The following INF2 variants were observed in gnomAD, a reference collection of about 807,000 sequenced individuals.
INF2 encodes inverted formin-2.
In INF2, 43 loss-of-function variants were observed where a neutral mutation model predicts 123.5. The ratio of observed to expected loss-of-function variants is 0.35; its 90% confidence interval spans 0.27 to 0.45. INF2 has a LOEUF of 0.45. Among genes scored for constraint, INF2 ranks in the 20% least tolerant of loss-of-function variants. INF2 has a pLI of 1.00. For synonymous variants in INF2, 851 were observed against 745.0 expected, an observed-to-expected ratio of 1.14 and a Z score of -2.32; for missense variants, 1,453 against 1,682.7, an observed-to-expected ratio of 0.86 and a Z score of 2.39.
chr14:104,698,664 C>T (rs995072656), intron 1 of INF2, among the ~76,000 whole-genome samples: 6 of 152,144 alleles, frequency 3.9e-5, no homozygotes, highest in Non-Finnish European at 8.8e-5. Context: ...ATGGTCTGGC[C>T]GTGGTGTGTT....
upstream of INF2, chr14:104,689,593 C>G: frequency 6.6e-6 from 4 of 610,048 alleles, no homozygotes; most frequent in Non-Finnish European, 8.2e-6. Flanking sequence ...CTCTTCCTCC[C>G]GCCCGCCCCG....
Position 104,708,534 on chromosome 14 carries a change from A to C in INF2, c.1834A>C (p.Lys612Gln). Residue 612 changes from lysine (K) to glutamine (Q), a missense_variant, in exon 9 of 23, where the codon AAG (lysine) becomes CAG (glutamine). This residue lies in a region of INF2 where 192 missense variants were observed against 274.4 expected (regional missense o/e 0.70). Coordinates refer to ENST00000392634, the MANE Select transcript of INF2 (RefSeq NM_022489.4). ...IERLFSFPAA[K>Q]PKEPTMVAPR... ...GCGACTATTCTCCTTCCCTGCAGCC[A>C]AGCCCAAGGAGCCCACCATGGTGGC... 6.2e-7 allele frequency: 1 copy of C among 1,612,188 alleles called. No individual in the cohort carries two copies. The highest frequency in any genetic ancestry group is 8.5e-7 in the Non-Finnish European group (1 of 1,179,732).
rs1889380036 is a variant in INF2 at position 104,699,695 on chromosome 14, T to C, written c.-9-1662T>C. 1 of 639,850 alleles carries C rather than the reference T, an allele frequency of 1.6e-6. No individual in the cohort carries two copies. The highest frequency in any genetic ancestry group is 2.0e-5 in the African/African-American group (1 of 50,242). 39.6% of individuals were successfully genotyped at this position (639,850 alleles called of 1,614,324 possible). A position where few individuals can be genotyped will look rare whatever the true frequency, so the allele number is the denominator to read the frequency against. ...GGGCTCCGGGCTCTCCGTTCTACAG[T>C]GCCCAGACCAGGACCCCCTGCAGGG... is the stretch of plus-strand genomic sequence containing the variant. On this transcript the variant is annotated intron_variant, in intron 1 of 22. Transcript: ENST00000392634. This position sits in a 1 kb window ranked among gnomAD's most constrained non-coding sequence, Gnocchi z 4.7.
In INF2 at chr14:104,703,172, C is replaced by T. The variant is rs754706068; in HGVS notation, c.459C>T (p.Tyr153=). 6.2e-7 allele frequency: 1 copy of T among 1,613,584 alleles called. No individual in the cohort carries two copies. The highest frequency in any genetic ancestry group is 1.1e-5 in the South Asian group (1 of 91,092). Residue 153 remains tyrosine (Y), a synonymous_variant, in exon 3 of 23, where the codon TAC becomes TAT. Transcript: ENST00000392634. ...AGCTACTGGCTGCCCTGTGCATCTA[C>T]TCTCCCGAGGGCCACGTGCTGACCC... ...VFELLAALCI[Y]SPEGHVLTLD... is the part of the protein sequence containing the mutation.
chr14:104,683,997 C>T, intron 1 of INF2: 1 of 454,938 alleles, frequency 2.2e-6, no homozygotes, highest in Non-Finnish European at 4.4e-6. Context: ...CCATCTGGTG[C>T]TCCCTCCAGC....
chr14:104,686,324 G>A (rs1187079425), upstream of INF2, among the ~76,000 whole-genome samples: 1 of 151,266 alleles, frequency 6.6e-6, no homozygotes, highest in African/African-American at 2.4e-5. Context: ...TGGATGGGTG[G>A]ATGAGTGGAT....
chr14:104,693,538 CG>C (rs1468717141), intron 1 of INF2, among the ~76,000 whole-genome samples: 1 of 152,156 alleles, frequency 6.6e-6, no homozygotes, highest in Non-Finnish European at 1.5e-5. Flanking sequence ...ACACCAGCCC[CG>C]GGTAGTGGCT....
intron 1 of INF2, chr14:104,683,926 G>C (rs1010626894): frequency 5.7e-5 from 23 of 406,426 alleles, no homozygotes; most frequent in African/African-American, 4.7e-4. Flanking sequence ...GCAGACTATG[G>C]GTTGGGGTGC....
chr14:104,719,107 G>A lies in INF2; in HGVS notation c.*314G>A, dbSNP rs921070326. On this transcript the variant is annotated 3_prime_UTR_variant, in exon 23 of 23. Coordinates refer to ENST00000392634, the MANE Select transcript of INF2 (RefSeq NM_022489.4). ...GGTGCAGCCTGCCAAGGGCCAGTCG[G>A]GGGGTGCTGCGTCCTGCCAGTGTCC... is the stretch of plus-strand genomic sequence containing the variant. 30 of 489,602 alleles carry A rather than the reference G, an allele frequency of 6.1e-5. No individual in the cohort carries two copies. The East Asian group carries it at 1.0e-3, about 16-fold the overall frequency. 30.3% of individuals were successfully genotyped at this position (489,602 alleles called of 1,614,324 possible). A position where few individuals can be genotyped will look rare whatever the true frequency, so the allele number is the denominator to read the frequency against.
chr14:104,714,745 G>C lies in INF2; in HGVS notation c.3583G>C (p.Glu1195Gln), dbSNP rs1064796974. 4 of 1,601,346 alleles carry C rather than the reference G, an allele frequency of 2.5e-6. No individual in the cohort carries two copies. Among genetic ancestry groups the C allele is most frequent in the Non-Finnish European group, 2.6e-6 (3 of 1,173,674 alleles). Residue 1195 changes from glutamate to glutamine, a missense_variant, in exon 21 of 23, where the codon GAG (glutamate) becomes CAG (glutamine). Glu to Gln is a conservative substitution (Grantham distance 29, BLOSUM62 2). Coordinates refer to ENST00000392634, the MANE Select transcript of INF2 (RefSeq NM_022489.4). ...LDTSLDKSFSEDAVTDSSGSG... is the reference protein window; with the variant it reads ...LDTSLDKSFSQDAVTDSSGSG... ...CACATCCCTGGACAAGTCCTTCTCCGAGGATGCGGTGACCGACTCCTCGGG... is the reference window on the plus strand; with the variant it reads ...CACATCCCTGGACAAGTCCTTCTCCCAGGATGCGGTGACCGACTCCTCGGG...
rs750840228 is a variant in INF2 at position 104,707,317 on chromosome 14, G to A, written c.1050G>A (p.Pro350=). 3.7e-5 allele frequency: 59 copies of A among 1,605,282 alleles called. No homozygotes were observed. Among genetic ancestry groups the A allele is most frequent in the Non-Finnish European group, 4.2e-5 (49 of 1,176,820 alleles). The change falls in exon 8 of 23, where the codon CCG becomes CCA. Residue 350 remains proline (P), a synonymous_variant. Coordinates refer to ENST00000392634, the MANE Select transcript of INF2 (RefSeq NM_022489.4). ...TGTCTGTCAAGGGGCGACCCAGACC[G>A]AGCCCCCTGGTCAAGGCCCATAAAA... is the stretch of plus-strand genomic sequence containing the variant. ...RLLSVKGRPR[P]SPLVKAHKSV... is the part of the protein sequence containing the mutation.
At chr14:104,706,539 G>A (rs1889788990) in intron 6 of INF2, among the ~76,000 whole-genome samples, 1 of 152,174 alleles carries the variant, frequency 6.6e-6, no homozygotes, top group South Asian at 2.1e-4. Flanking sequence ...GCTTGGTGAG[G>A]GGCTAAGAGG....
intron 22 of INF2, chr14:104,717,718 G>A (rs964840889): frequency 7.2e-5 from 11 of 152,212 alleles, no homozygotes; most frequent in African/African-American, 2.4e-4. Context: ...GCTGGGTGGG[G>A]ACGTTTGTGG....
chr14:104,701,798 G>T, intron 2 of INF2, 42 bp downstream of exon 2: 1 of 1,448,946 alleles, frequency 6.9e-7, no homozygotes, highest in Non-Finnish European at 9.1e-7. Context: ...GGACGCTGGG[G>T]ACCTGGTATG....
At position 104,707,584 on chromosome 14, in the gene INF2, C is replaced by T; in HGVS notation, c.1317C>T (p.Pro439=). The T allele has an allele frequency of 9.6e-7, 1 of 1,040,772 alleles. No homozygotes were observed. 64.5% of individuals were successfully genotyped at this position (1,040,772 alleles called of 1,614,324 possible). The part of the protein sequence containing the change: ...LLPGSSAEPP[P]PPPPPPLPSV... ...CTGGTTCCAGTGCCGAGCCCCCTCC[C>T]CCTCCCCCACCACCCCCCCTGCCCA... Residue 439 remains proline, a synonymous_variant, in exon 8 of 23, where the codon CCC becomes CCT. Coordinates refer to ENST00000392634, the MANE Select transcript of INF2 (RefSeq NM_022489.4).
chr14:104,701,003 G>A, intron 1 of INF2: 1 of 385,238 alleles, frequency 2.6e-6, no homozygotes, highest in Non-Finnish European at 3.6e-6. Flanking sequence ...CCGCTCCCCC[G>A]AGTCCTCCCC....
At chr14:104,702,293 A>T (rs1889559669) in intron 2 of INF2, among the ~76,000 whole-genome samples, 1 of 151,378 alleles carries the variant, frequency 6.6e-6, no homozygotes, top group Non-Finnish European at 1.5e-5. Flanking sequence ...CACCCAGGGG[A>T]CTCGTTCCCG....
At chr14:104,717,272 A>G (rs1890343627) in intron 22 of INF2, among the ~76,000 whole-genome samples, 1 of 130,598 alleles carries the variant, frequency 7.7e-6, no homozygotes, top group Non-Finnish European at 1.6e-5. Context: ...CCCACCGGGC[A>G]GGGTGCGCTG....
At chr14:104,716,227 C>G (rs78621047) in intron 22 of INF2, among the ~76,000 whole-genome samples, 5,162 of 152,316 alleles carry the variant, frequency 0.034, 302 homozygotes, top group African/African-American at 0.12. Context: ...ACCGCTGGGC[C>G]TGGGGCTTAG....
Sources: gnomAD v4.1 joint callset for allele counts (sites outside exome capture counted in the v4.1 genomes callset) on GRCh38, gnomAD v4.1.1 for gene constraint, gnomAD v4.1.1 regional missense constraint, Gnocchi (gnomAD v3.1) non-coding constraint, MANE v1.5 for transcripts, NCBI Gene and HGNC (gene_info 2026-07-23, HGNC 2026-07-21) for gene names.